The following CNTLN variants were observed in gnomAD, a reference collection of about 807,000 sequenced individuals.
CNTLN encodes centlein, centrosomal protein.
CNTLN carries 212 observed loss-of-function variants against 180.0 expected under a neutral mutation model. The observed-to-expected ratio is 1.18, with a 90% CI of 1.05 to 1.32. The LOEUF (loss-of-function observed/expected upper bound fraction) is 1.32. Ranked by LOEUF, CNTLN falls within the 40% of genes most tolerant of loss-of-function variation. CNTLN has a pLI of 0.00. For synonymous variants in CNTLN, 722 were observed against 563.1 expected, an observed-to-expected ratio of 1.28 and a Z score of -3.99; for missense variants, 2,095 against 1,610.9, an observed-to-expected ratio of 1.30 and a Z score of -5.14.
At chr9:17,259,088 C>T (rs1022957035) in intron 5 of CNTLN, among the ~76,000 whole-genome samples, 3 of 144,952 alleles carry the variant, frequency 2.1e-5, no homozygotes, top group Non-Finnish European at 4.5e-5. Flanking sequence ...TTTGCCCATT[C>T]AGTATGATAT....
intron 21 of CNTLN, among the ~76,000 whole-genome samples, chr9:17,465,671 C>T (rs2134207084): frequency 6.6e-6 from 1 of 151,134 alleles, no homozygotes; most frequent in South Asian, 2.1e-4. Context: ...ACAATCATCT[C>T]CTGCCTTAGG....
In CNTLN at chr9:17,302,348, C is replaced by T. The variant is rs373468698; in HGVS notation, c.1146+3996C>T. 2.9e-4 allele frequency among the ~76,000 whole-genome samples: 44 copies of T among 152,210 alleles called. No individual in the cohort carries two copies. In the East Asian group the frequency reaches 7.5e-3, roughly 26 times the overall value. ...CAGTAGCTGGGACTACAGGCACGTG[C>T]CACCACACTCAGCTAATTTTTGTAC... On this transcript the variant is annotated intron_variant, in intron 7 of 25. Coordinates refer to ENST00000380647, the MANE Select transcript of CNTLN (RefSeq NM_017738.4).
chr9:17,298,390 T>C (rs749893485), intron 7 of CNTLN, 38 bp downstream of exon 7: 1 of 1,518,736 alleles, frequency 6.6e-7, no homozygotes, highest in Non-Finnish European at 8.8e-7. Context: ...TAAATGTTTA[T>C]GTATGAACTT....
intron 5 of CNTLN, among the ~76,000 whole-genome samples, chr9:17,262,861 G>T (rs75662954): frequency 6.6e-6 from 1 of 151,224 alleles, no homozygotes; most frequent in African/African-American, 2.5e-5. Context: ...TAGATGGCTC[G>T]TAGTATTTTG....
intron 13 of CNTLN, among the ~76,000 whole-genome samples, chr9:17,381,599 CT>C (rs1291806939): frequency 6.6e-6 from 1 of 152,188 alleles, no homozygotes; most frequent in Non-Finnish European, 1.5e-5. Context: ...ATAATTTAGT[CT>C]TTTATCATAG....
At chr9:17,163,199 A>T (rs1459949862) in intron 2 of CNTLN, among the ~76,000 whole-genome samples, 1 of 152,158 alleles carries the variant, frequency 6.6e-6, no homozygotes, top group Non-Finnish European at 1.5e-5. Context: ...CCTCCCTGTG[A>T]TTGAGTTACC....
chr9:17,450,395 G>A (rs1314643131), intron 18 of CNTLN, among the ~76,000 whole-genome samples: 1 of 152,098 alleles, frequency 6.6e-6, no homozygotes, highest in African/African-American at 2.4e-5. Context: ...GTTTAAAAAA[G>A]TTGAATGTCA....
At chr9:17,266,029 T>C (rs1354886909) in intron 5 of CNTLN, among the ~76,000 whole-genome samples, 4 of 152,206 alleles carry the variant, frequency 2.6e-5, no homozygotes, top group African/African-American at 4.8e-5. Context: ...TTTTTGTGTT[T>C]CTATTTCCTT....
intron 23 of CNTLN, among the ~76,000 whole-genome samples, chr9:17,483,576 A>T (rs1435419964): frequency 6.6e-6 from 1 of 152,192 alleles, no homozygotes; most frequent in Non-Finnish European, 1.5e-5. Flanking sequence ...CTCTCAGCTC[A>T]CAAAGCCATG....
chr9:17,289,693 A>G (rs1829232013), intron 6 of CNTLN, among the ~76,000 whole-genome samples: 3 of 136,464 alleles, frequency 2.2e-5, no homozygotes, highest in Admixed American at 1.5e-4. Flanking sequence ...TATTTCTTGG[A>G]GGCTTTGCTC....
chr9:17,185,772 T>A (rs986611328), intron 2 of CNTLN, among the ~76,000 whole-genome samples: 30 of 65,384 alleles, frequency 4.6e-4, no homozygotes, highest in Non-Finnish European at 6.2e-4. Flanking sequence ...GTTTCCCATT[T>A]GTGTGTGTGT....
intron 22 of CNTLN, 78 bp from the exon 23 acceptor site, chr9:17,466,628 T>C: frequency 8.9e-7 from 1 of 1,121,882 alleles, no homozygotes; most frequent in South Asian, 1.5e-5. Context: ...AATATTTTCC[T>C]TATTTGACAT....
At chr9:17,433,324 G>C (rs141339624) in intron 18 of CNTLN, among the ~76,000 whole-genome samples, 1,681 of 149,828 alleles carry the variant, frequency 0.011, 34 homozygotes, top group African/African-American at 0.039. Flanking sequence ...TCGTTCTGTC[G>C]CCCAAGCTGG....
chr9:17,516,754 C>T, the CNTLN span, among the ~76,000 whole-genome samples: 10 of 152,084 alleles, frequency 6.6e-5, no homozygotes, highest in African/African-American at 2.4e-4. Flanking sequence ...GTGGCCTTTC[C>T]ATTTCTGCTG....
chr9:17,150,664 T>C (rs1231112145), intron 2 of CNTLN, among the ~76,000 whole-genome samples: 2 of 152,194 alleles, frequency 1.3e-5, no homozygotes, highest in African/African-American at 2.4e-5. Flanking sequence ...AACTTTAAAG[T>C]AGTTTTTTCC....
chr9:17,278,610 T>G (rs1461786194), intron 6 of CNTLN, among the ~76,000 whole-genome samples: 1 of 152,218 alleles, frequency 6.6e-6, no homozygotes, highest in African/African-American at 2.4e-5. Flanking sequence ...TTTCTTTTAC[T>G]GCATATAGTT....
At chr9:17,161,640 A>ACGTT (rs1204254545) in intron 2 of CNTLN, among the ~76,000 whole-genome samples, 1 of 152,248 alleles carries the variant, frequency 6.6e-6, no homozygotes, top group Non-Finnish European at 1.5e-5. Flanking sequence ...TATTAGTAAT[A>ACGTT]CGTTATTTTT....
chr9:17,316,360 G>A (rs991705266), intron 8 of CNTLN, among the ~76,000 whole-genome samples: 3 of 151,976 alleles, frequency 2.0e-5, no homozygotes, highest in Non-Finnish European at 4.4e-5. Flanking sequence ...ACACCATATA[G>A]TTGAATTATG....
chr9:17,343,737 C>T (rs1017597225), intron 12 of CNTLN, among the ~76,000 whole-genome samples: 1 of 152,038 alleles, frequency 6.6e-6, no homozygotes, highest in Non-Finnish European at 1.5e-5. Context: ...ATATTCAGAG[C>T]TGCACCGTCC....
Sources: gnomAD v4.1 joint callset for allele counts (sites outside exome capture counted in the v4.1 genomes callset) on GRCh38, gnomAD v4.1.1 for gene constraint, MANE v1.5 for transcripts, NCBI Gene and HGNC (gene_info 2026-07-23, HGNC 2026-07-21) for gene names.